Variants in KMT2C observed in about 807,000 individuals in gnomAD.
The protein encoded by KMT2C is histone-lysine N-methyltransferase 2C.
KMT2C carries 88 observed loss-of-function variants against 507.9 expected under a neutral mutation model. The observed-to-expected ratio is 0.17, with a 90% CI of 0.15 to 0.21. KMT2C has a LOEUF of 0.21. Among genes scored for constraint, KMT2C ranks in the 10% least tolerant of loss-of-function variants. KMT2C has a pLI of 1.00. For synonymous variants in KMT2C, 2,049 were observed against 2,080.8 expected (o/e 0.98, Z 0.42); for missense variants, 4,954 against 5,957.8 (o/e 0.83, Z 5.55).
In KMT2C at chr7:152,139,725, T is replaced by C. The variant is rs760982267; in HGVS notation, c.14410A>G (p.Ile4804Val). The C allele has an allele frequency of 7.4e-6, 12 of 1,614,152 alleles. No homozygotes were observed. The highest frequency in any genetic ancestry group is 2.2e-5 in the South Asian group (2 of 91,084). Residue 4804 changes from isoleucine (I) to valine (V), a missense_variant, in exon 56 of 59, where the codon ATC becomes GTC. By Grantham distance (29) the Ile-to-Val change is conservative. Transcript: ENST00000262189. ...HTMVIEYIGTIIRNEVANRKE... is the reference protein window; with the variant it reads ...HTMVIEYIGTVIRNEVANRKE... ...CTGTTGGCTACTTCGTTTCGAATGATAGTCCCGATGTACTCAATGACCATG... is the reference window on the plus strand; with the variant it reads ...CTGTTGGCTACTTCGTTTCGAATGACAGTCCCGATGTACTCAATGACCATG...
At chr7:152,221,126 G>A (rs1158302784) in intron 22 of KMT2C, among the ~76,000 whole-genome samples, 2 of 152,054 alleles carry the variant, frequency 1.3e-5, no homozygotes, top group Non-Finnish European at 2.9e-5. Context: ...GCGTGGTGGC[G>A]GGCACCTGTA....
intron 1 of KMT2C, chr7:152,366,911 A>G: frequency 2.3e-6 from 1 of 439,338 alleles, no homozygotes; most frequent in Non-Finnish European, 4.1e-6. Flanking sequence ...TGGCGCTGCG[A>G]GCCAACGGGC....
At chr7:152,290,246 G>GTGTGTA (rs2096390679) in intron 6 of KMT2C, among the ~76,000 whole-genome samples, 1 of 88,652 alleles carries the variant, frequency 1.1e-5, no homozygotes, top group African/African-American at 5.6e-5. Context: ...GTGTGTGTGT[G>GTGTGTA]TGTGTGTATG....
intron 37 of KMT2C, 29 bp from the exon 38 acceptor site, chr7:152,178,039 A>G: frequency 1.4e-6 from 2 of 1,389,104 alleles, no homozygotes; most frequent in Non-Finnish European, 1.9e-6. Context: ...AAAAAAAAAA[A>G]AAAGCAAATA....
chr7:152,236,290 A>G (rs62481508), intron 15 of KMT2C, among the ~76,000 whole-genome samples: 28,191 of 150,932 alleles, frequency 0.19, 1,847 homozygotes, highest in Middle Eastern at 0.3. Context: ...TAGAGTAAGT[A>G]TAAGGAAGAA....
At position 152,139,932 on chromosome 7, in the gene KMT2C, A is replaced by G. The variant is rs952874934; in HGVS notation, c.14344-141T>C. ...AACTCAAATCATTTTTGAATATGCT[A>G]TTTTCTGAAATTTTAAAAATTGGAC... On this transcript the variant is annotated intron_variant, in intron 55 of 58. Coordinates refer to ENST00000262189, the MANE Select transcript of KMT2C (RefSeq NM_170606.3). 6.2e-5 allele frequency: 40 copies of G among 644,618 alleles called. No homozygotes were observed. The Admixed American group carries it at 9.5e-4, about 15-fold the overall frequency. The allele number at this position is 644,618 out of a possible 1,614,324, so 39.9% of individuals were successfully genotyped here.
At chr7:152,253,961 C>G (rs1454131907) in intron 9 of KMT2C, among the ~76,000 whole-genome samples, 1 of 152,106 alleles carries the variant, frequency 6.6e-6, no homozygotes. Context: ...TCATTACCCA[C>G]CCCAAATTTT....
At chr7:152,346,908 G>C (rs1489179556) in intron 2 of KMT2C, among the ~76,000 whole-genome samples, 5 of 151,614 alleles carry the variant, frequency 3.3e-5, no homozygotes, top group East Asian at 1.9e-4. Context: ...GGGCGGATCA[G>C]GAGGTCAGGA....
intron 1 of KMT2C, among the ~76,000 whole-genome samples, chr7:152,394,447 T>A (rs2097524714): frequency 6.6e-6 from 1 of 152,274 alleles, no homozygotes; most frequent in African/African-American, 2.4e-5. Context: ...CCTCTGGGGC[T>A]TTTGCACTCA....
chr7:152,432,273 TAGAGTAGAATG>T (rs974883101), intron 1 of KMT2C, among the ~76,000 whole-genome samples: 4 of 152,168 alleles, frequency 2.6e-5, no homozygotes, highest in Non-Finnish European at 4.4e-5. Context: ...AGAAACATAG[TAGAGTAGAATG>T]TTTCTTTGGC....
chr7:152,157,339 A>AT (rs2092130370), intron 44 of KMT2C, among the ~76,000 whole-genome samples: 2 of 152,096 alleles, frequency 1.3e-5, no homozygotes, highest in Non-Finnish European at 1.5e-5. Context: ...AAAAAAAAAA[A>AT]AAAACCTACA....
At chr7:152,244,957 T>G (rs1286634320) in intron 14 of KMT2C, among the ~76,000 whole-genome samples, 5 of 152,138 alleles carry the variant, frequency 3.3e-5, no homozygotes, top group African/African-American at 9.7e-5. Context: ...GGAAAATAAT[T>G]CTATATGATT....
At position 152,151,033 on chromosome 7, in the gene KMT2C, G is replaced by T. The variant is rs201313232; in HGVS notation, c.12667-26C>A. On this transcript the variant is annotated intron_variant, in intron 50 of 58. Transcript: ENST00000262189. ...CTGAAAAGCAAAGAGAAATGTGTGG[G>T]AATCTCAACAAGTCAAAATTTAATA... 3.7e-5 allele frequency: 51 copies of T among 1,385,764 alleles called. 1 individual carries two copies. In the Admixed American group the frequency reaches 9.5e-4, roughly 26 times the overall value. The allele number at this position is 1,385,764 out of a possible 1,614,324, so 85.8% of individuals were successfully genotyped here. A position where few individuals can be genotyped will look rare whatever the true frequency, so the allele number is the denominator to read the frequency against.
chr7:152,239,024 C>T lies in KMT2C; in HGVS notation c.2533-198G>A. ...TTAAGTATAACTTAAATGTTTGCTG[C>T]TACAATTTACATTAAATATTTTATT... is the stretch of plus-strand genomic sequence containing the variant. On this transcript the variant is annotated intron_variant, in intron 14 of 58. Transcript: ENST00000262189. 10 of 469,604 alleles carry T rather than the reference C, an allele frequency of 2.1e-5. 1 individual carries two copies. In the South Asian group the frequency reaches 2.9e-4, roughly 14 times the overall value. 29.1% of individuals were successfully genotyped at this position (469,604 alleles called of 1,614,324 possible).
At chr7:152,269,265 A>G (rs2095914334) in intron 7 of KMT2C, among the ~76,000 whole-genome samples, 1 of 152,242 alleles carries the variant, frequency 6.6e-6, no homozygotes, top group African/African-American at 2.4e-5. Flanking sequence ...AAATTAGTCA[A>G]AGAAAAACAT....
rs370247073 is a variant in KMT2C at position 152,315,224 on chromosome 7, A to G, written c.504T>C (p.Ser168=). ...GFILPWRNQP[S]NKKDIDDNSN... is the part of the protein sequence containing the mutation. ...TGTTGTCATCAATGTCCTTCTTGTTAGAAGGTTGGTTTCTCCATGGCAAGA... is the reference window on the plus strand; with the variant it reads ...TGTTGTCATCAATGTCCTTCTTGTTGGAAGGTTGGTTTCTCCATGGCAAGA... Residue 168 remains serine (S), a synonymous_variant, in exon 4 of 59, where the codon TCT becomes TCC. Transcript: ENST00000262189. 5 of 1,613,812 alleles carry G rather than the reference A, an allele frequency of 3.1e-6. No homozygotes were observed. In the African/African-American group the frequency reaches 5.3e-5, roughly 17 times the overall value.
intron 1 of KMT2C, among the ~76,000 whole-genome samples, chr7:152,359,087 T>C (rs1358032745): frequency 1.3e-5 from 2 of 152,170 alleles, no homozygotes; most frequent in Non-Finnish European, 2.9e-5. Flanking sequence ...AATGACCAGA[T>C]ATATGTATTT....
At chr7:152,413,910 G>A (rs75954030) in intron 1 of KMT2C, among the ~76,000 whole-genome samples, 1 of 122,490 alleles carries the variant, frequency 8.2e-6, no homozygotes, top group Non-Finnish European at 1.6e-5. Context: ...ATTTACAAAA[G>A]TCATTTAGAA....
rs1187957509 is a variant in KMT2C, at chr7:152,148,088, G to T, written c.13839C>A (p.Ile4613=). The change falls in exon 52 of 59, where the codon ATC becomes ATA. Residue 4613 remains isoleucine (I), a synonymous_variant. Coordinates refer to ENST00000262189, the MANE Select transcript of KMT2C (RefSeq NM_170606.3). This position sits in a 1 kb window ranked among gnomAD's most constrained non-coding sequence, Gnocchi z 7.1. ...CTTCATGGCCTTGTTCCACAATCCT[G>T]ATGACAAACACTGGGCGCCCATCCT... The part of the protein sequence containing the change: ...EEKDGRPVFV[I]RIVEQGHEDL... 7 of 1,609,366 alleles carry T rather than the reference G, an allele frequency of 4.3e-6. No homozygotes were observed. Among genetic ancestry groups the T allele is most frequent in the Non-Finnish European group, 6.0e-6 (7 of 1,176,258 alleles).
Sources: gnomAD v4.1 joint callset for allele counts (sites outside exome capture counted in the v4.1 genomes callset) on GRCh38, gnomAD v4.1.1 for gene constraint, Gnocchi (gnomAD v3.1) non-coding constraint, MANE v1.5 for transcripts, NCBI Gene and HGNC (gene_info 2026-07-23, HGNC 2026-07-21) for gene names.